Variants in EFCAB8 observed in about 807,000 individuals in gnomAD.
EFCAB8 encodes the protein EF-hand calcium binding domain 8.
In EFCAB8, 100 loss-of-function variants were observed where a neutral mutation model predicts 116.3. That is an observed-to-expected ratio of 0.86 (90% CI 0.73 to 1.02). The LOEUF is 1.02. EFCAB8 is among the 50% of genes least tolerant of loss of function. EFCAB8 has a pLI of 0.00. For synonymous variants in EFCAB8, 558 were observed against 567.9 expected (o/e 0.98, Z 0.25); for missense variants, 1,320 against 1,416.9 (o/e 0.93, Z 1.10).
rs181050419 is a variant in EFCAB8, at chr20:32,893,109, G to A, written c.759-65G>A. ...ACCTACCTTGGCCTCCCAGAGTGCT[G>A]GTCTTACAGGTGTGAGCCACCGCGC... On this transcript the variant is annotated intron_variant, in intron 8 of 26. Coordinates refer to ENST00000400522, the MANE Select transcript of EFCAB8 (RefSeq NM_001143967.2). 4.1e-4 allele frequency: 638 copies of A among 1,542,028 alleles called. 6 individuals are homozygous for A. The Middle Eastern group carries it at 7.2e-3, about 17-fold the overall frequency.
intron 22 of EFCAB8, among the ~76,000 whole-genome samples, chr20:32,932,575 C>T (rs765237961): frequency 6.6e-6 from 1 of 152,154 alleles, no homozygotes; most frequent in Non-Finnish European, 1.5e-5. Flanking sequence ...CTGGTGTTTA[C>T]TTATGCAAAC....
chr20:32,929,418 TTTTTCTTTCTTTTC>T (rs369986842), intron 20 of EFCAB8, among the ~76,000 whole-genome samples: 149 of 151,900 alleles, frequency 9.8e-4, no homozygotes, highest in Non-Finnish European at 1.7e-3. Context: ...AATTGAGATT[TTTTTCTTTCTTTTC>T]TTTTCTTTCT....
intron 20 of EFCAB8, among the ~76,000 whole-genome samples, chr20:32,928,512 G>A (rs773395716): frequency 6.6e-6 from 1 of 152,146 alleles, no homozygotes; most frequent in Non-Finnish European, 1.5e-5. Flanking sequence ...TGGGATTACA[G>A]GCATGAGCCA....
chr20:32,898,291 C>A, intron 10 of EFCAB8: 2 of 496,848 alleles, frequency 4.0e-6, no homozygotes, highest in South Asian at 3.8e-5. Context: ...TAAAAATTTT[C>A]AGTGACGAGA....
At position 32,906,558 on chromosome 20, in the gene EFCAB8, G is replaced by A. The variant is rs551448487; in HGVS notation, c.1089-4G>A. The A allele has an allele frequency of 7.2e-5, 52 of 718,498 alleles. No homozygotes were observed. Among genetic ancestry groups the A allele is most frequent in the South Asian group, 7.0e-4 (47 of 67,598 alleles). The allele number at this position is 718,498 out of a possible 1,614,324, so 44.5% of individuals were successfully genotyped here. A position where few individuals can be genotyped will look rare whatever the true frequency, so the allele number is the denominator to read the frequency against. The stretch of plus-strand genomic sequence containing the variant: ...CTGCAGCCCTCACTCCTTTGATATT[G>A]TAGGTTGTCAGTGCTGCGTTTAAGG... On this transcript the variant is annotated splice_polypyrimidine_tract_variant and splice_region_variant and intron_variant, in intron 11 of 26. Transcript: ENST00000400522.
chr20:32,920,168 G>A lies in EFCAB8; in HGVS notation c.2365G>A (p.Glu789Lys), dbSNP rs1231199606. 1 of 1,551,624 alleles carries A rather than the reference G, an allele frequency of 6.4e-7. No homozygotes were observed. Among genetic ancestry groups the A allele is most frequent in the Non-Finnish European group, 8.7e-7 (1 of 1,147,018 alleles). Residue 789 changes from glutamate to lysine, a missense_variant, in exon 20 of 27, where the codon GAA becomes AAA. Coordinates refer to ENST00000400522, the MANE Select transcript of EFCAB8 (RefSeq NM_001143967.2). The part of the protein sequence containing the change: ...IYKEDETRKG[E>K]WQKNMLVQSS... ...CAAAGAGGATGAAACGAGAAAAGGA[G>A]AATGGCAGAAGAATATGTTGGTTCA...
In EFCAB8 at chr20:32,875,994, A is replaced by C. The variant is rs879633497; in HGVS notation, c.277A>C (p.Lys93Gln). The C allele has an allele frequency of 2.6e-6, 4 of 1,552,068 alleles. No individual in the cohort carries two copies. Among genetic ancestry groups the C allele is most frequent in the Non-Finnish European group, 3.5e-6 (4 of 1,147,100 alleles). The change falls in exon 4 of 27, where the codon AAG (lysine) becomes CAG (glutamine). Residue 93 changes from lysine (K) to glutamine (Q), a missense_variant. Coordinates refer to ENST00000400522, the MANE Select transcript of EFCAB8 (RefSeq NM_001143967.2). Reference protein sequence around the residue: ...VLSSVSDEMLKELFLKVDSDC... With the variant: ...VLSSVSDEMLQELFLKVDSDC... ...GAGCAGTGTGTCGGACGAGATGCTA[A>C]AGGAGCTGTTTTTGAAGGTGGACTC...
chr20:32,949,080 C>T (rs1410764452), intron 23 of EFCAB8, among the ~76,000 whole-genome samples: 1 of 151,844 alleles, frequency 6.6e-6, no homozygotes, highest in African/African-American at 2.4e-5. Flanking sequence ...TGTAGAAAAT[C>T]CAGTGGATTT....
At chr20:32,914,706 G>C (rs1367892927) in intron 17 of EFCAB8, among the ~76,000 whole-genome samples, 1 of 152,050 alleles carries the variant, frequency 6.6e-6, no homozygotes, top group Non-Finnish European at 1.5e-5. Context: ...TCACTATCAC[G>C]AGAACAGCAT....
intron 2 of EFCAB8, among the ~76,000 whole-genome samples, chr20:32,864,671 C>G (rs560366023): frequency 6.6e-6 from 1 of 152,246 alleles, no homozygotes; most frequent in East Asian, 1.9e-4. Context: ...CACTTCTCTA[C>G]TTAATTTTGT....
At chr20:32,903,793 G>A (rs1986542377) in intron 11 of EFCAB8, 1 of 152,664 alleles carries the variant, frequency 6.6e-6, no homozygotes, top group African/African-American at 2.4e-5. Flanking sequence ...CAAAGTCAGG[G>A]GCCTGGGCTA....
intron 2 of EFCAB8, 63 bp downstream of exon 2, chr20:32,863,897 A>C: frequency 1.2e-5 from 19 of 1,525,714 alleles, no homozygotes; most frequent in Non-Finnish European, 1.7e-5. Context: ...CCAAAACCTC[A>C]CTTACCAGCA....
intron 6 of EFCAB8, among the ~76,000 whole-genome samples, chr20:32,887,794 A>C (rs991428461): frequency 2.0e-5 from 3 of 152,210 alleles, no homozygotes; most frequent in Non-Finnish European, 4.4e-5. Flanking sequence ...ACCAGTGCTG[A>C]GCTCCTACTG....
At chr20:32,894,285 CT>C (rs1410025310) in intron 9 of EFCAB8, among the ~76,000 whole-genome samples, 1 of 152,208 alleles carries the variant, frequency 6.6e-6, no homozygotes, top group Non-Finnish European at 1.5e-5. Flanking sequence ...TAACAGGCCC[CT>C]GGCAGGCTTG....
At chr20:32,919,196 A>T (rs1987337712) in intron 19 of EFCAB8, among the ~76,000 whole-genome samples, 1 of 152,128 alleles carries the variant, frequency 6.6e-6, no homozygotes, top group African/African-American at 2.4e-5. Flanking sequence ...CAGTGCAATA[A>T]TCTCTTGTAT....
intron 22 of EFCAB8, among the ~76,000 whole-genome samples, chr20:32,936,538 A>G (rs913342570): frequency 6.6e-6 from 1 of 152,076 alleles, no homozygotes; most frequent in East Asian, 1.9e-4. Context: ...TGTGGATCCA[A>G]TTTTCCTAGT....
Position 32,908,277 on chromosome 20 carries a change from T to G in EFCAB8, c.1311T>G (p.Asn437Lys). 7 of 1,249,852 alleles carry G rather than the reference T, an allele frequency of 5.6e-6. No individual in the cohort carries two copies. Among genetic ancestry groups the G allele is most frequent in the Non-Finnish European group, 7.1e-6 (7 of 988,236 alleles). The allele number at this position is 1,249,852 out of a possible 1,614,324, so 77.4% of individuals were successfully genotyped here. A position where few individuals can be genotyped will look rare whatever the true frequency, so the allele number is the denominator to read the frequency against. ...SILISVSKDK[N>K]IRVWDMLDYI... ...CTTGCCTTTTTCCCATCCCCCAGAA[T>G]ATTCGCGTGTGGGACATGCTGGACT... The change falls in exon 14 of 27, where the codon AAT becomes AAG. Residue 437 changes from asparagine to lysine, a missense_variant and splice_region_variant. Asn to Lys is a moderately conservative substitution (Grantham distance 94). Coordinates refer to ENST00000400522, the MANE Select transcript of EFCAB8 (RefSeq NM_001143967.2).
intron 2 of EFCAB8, 120 bp downstream of exon 2, chr20:32,863,954 A>G: frequency 1.8e-6 from 2 of 1,117,304 alleles, no homozygotes; most frequent in South Asian, 1.6e-5. Context: ...GCATACTCAG[A>G]TATTTACTGG....
intron 5 of EFCAB8, among the ~76,000 whole-genome samples, chr20:32,882,897 A>G (rs952899964): frequency 6.6e-6 from 1 of 151,830 alleles, no homozygotes; most frequent in Non-Finnish European, 1.5e-5. Context: ...GGGTTTCACC[A>G]TGTTAGCCAG....
Sources: allele counts gnomAD v4.1 joint callset (sites outside exome capture counted in the v4.1 genomes callset), GRCh38; gene constraint gnomAD v4.1.1; transcripts MANE v1.5; gene names NCBI Gene and HGNC (gene_info 2026-07-23, HGNC 2026-07-21).